Variants in DOCK1 observed in about 807,000 individuals in gnomAD.
DOCK1 encodes the protein dedicator of cytokinesis 1, also known as dedicator of cytokinesis protein 1.
A neutral mutation model predicts 262.7 loss-of-function variants in DOCK1; 138 were observed. The observed-to-expected ratio is 0.53, with a 90% CI of 0.46 to 0.61. The LOEUF (loss-of-function observed/expected upper bound fraction) is 0.61. Among genes scored for constraint, DOCK1 ranks in the 20% least tolerant of loss-of-function variants. The pLI is 0.00. For missense variants in DOCK1, 1,908 were observed against 2,370.7 expected, an observed-to-expected ratio of 0.80 and a Z score of 4.05; for synonymous variants, 866 against 867.4, an observed-to-expected ratio of 1.00 and a Z score of 0.03.
intron 48 of DOCK1, among the ~76,000 whole-genome samples, chr10:127,434,087 G>A (rs557290793): frequency 1.9e-4 from 29 of 151,824 alleles, no homozygotes; most frequent in Admixed American, 3.9e-4. Flanking sequence ...GTCCCCCTGT[G>A]ACACCATTCT....
chr10:127,272,900 G>A (rs2060619585), intron 29 of DOCK1, among the ~76,000 whole-genome samples: 1 of 152,148 alleles, frequency 6.6e-6, no homozygotes, highest in South Asian at 2.1e-4. Context: ...CTATCAAGAG[G>A]AACAGCACGA....
intron 29 of DOCK1, among the ~76,000 whole-genome samples, chr10:127,314,217 G>C (rs142324486): frequency 1.3e-5 from 2 of 152,208 alleles, no homozygotes; most frequent in African/African-American, 2.4e-5. Context: ...CCATGGAAAT[G>C]TTTCCTTTGT....
At chr10:126,943,030 G>A (rs2035136942) in intron 1 of DOCK1, among the ~76,000 whole-genome samples, 1 of 151,908 alleles carries the variant, frequency 6.6e-6, no homozygotes, top group Non-Finnish European at 1.5e-5. Context: ...GCTGAGGCTG[G>A]TGAATCATTT....
intron 27 of DOCK1, among the ~76,000 whole-genome samples, chr10:127,233,463 T>G (rs1303923269): frequency 6.6e-6 from 1 of 152,026 alleles, no homozygotes; most frequent in Non-Finnish European, 1.5e-5. Flanking sequence ...TTCAAGAGAT[T>G]TTTTTCCCCC....
chr10:126,911,240 AGTT>A (rs2134013592), intron 1 of DOCK1, among the ~76,000 whole-genome samples: 2 of 152,154 alleles, frequency 1.3e-5, no homozygotes, highest in East Asian at 3.9e-4. Context: ...GTAGGTGTGT[AGTT>A]GTCTGTCATT....
rs949396612 is a variant in DOCK1 at position 127,174,994 on chromosome 10, A to T, written c.2847+47230A>T. 2.6e-5 allele frequency among the ~76,000 whole-genome samples: 4 copies of T among 152,372 alleles called. No homozygotes were observed. In the East Asian group the frequency reaches 7.7e-4, roughly 29 times the overall value. On this transcript the variant is annotated intron_variant, in intron 27 of 51. Coordinates refer to ENST00000623213, the MANE Select transcript of DOCK1 (RefSeq NM_001290223.2). Reference sequence around the variant, plus strand: ...GTATGGTTTGAATTCAAGGCCAGAAAGATGAACATTAACCAGAAAGCGTAT... The same window carrying T: ...GTATGGTTTGAATTCAAGGCCAGAATGATGAACATTAACCAGAAAGCGTAT...
intron 22 of DOCK1, among the ~76,000 whole-genome samples, chr10:127,053,477 A>G (rs1235333435): frequency 1.3e-5 from 2 of 152,220 alleles, no homozygotes; most frequent in East Asian, 1.9e-4. Context: ...AACTCTTCCT[A>G]CATAGGGTAT....
chr10:126,934,945 T>C lies in DOCK1; in HGVS notation c.46+29382T>C, dbSNP rs909331886. 7.3e-3 allele frequency among the ~76,000 whole-genome samples: 1,108 copies of C among 151,940 alleles called. 17 individuals are homozygous for C. Among genetic ancestry groups the C allele is most frequent in the African/African-American group, 0.025 (1,026 of 41,448 alleles). On this transcript the variant is annotated intron_variant, in intron 1 of 51. Transcript: ENST00000623213. ...CTAACACGGTGAAACCCTGTCTCTA[T>C]TAAAAATACAAAAAATTAGCCAGGC...
chr10:127,127,136 T>C (rs1185724550), intron 26 of DOCK1, among the ~76,000 whole-genome samples: 6 of 152,172 alleles, frequency 3.9e-5, no homozygotes, highest in Non-Finnish European at 7.3e-5. Flanking sequence ...TTTAAGCAGA[T>C]TCATAGTTCA....
intron 27 of DOCK1, among the ~76,000 whole-genome samples, chr10:127,158,106 C>A (rs558774104): frequency 6.6e-6 from 1 of 152,294 alleles, no homozygotes; most frequent in South Asian, 2.1e-4. Context: ...AATTGGGCTG[C>A]AGCATCTGAA....
chr10:127,015,201 A>T (rs561719809), intron 12 of DOCK1: 3 of 152,172 alleles, frequency 2.0e-5, no homozygotes, highest in East Asian at 3.9e-4. Flanking sequence ...ATATTTAAAA[A>T]AAAAAAGGAA....
chr10:126,916,572 C>G (rs766360624), intron 1 of DOCK1, among the ~76,000 whole-genome samples: 1 of 152,138 alleles, frequency 6.6e-6, no homozygotes, highest in Non-Finnish European at 1.5e-5. Context: ...ACCTTCTGTC[C>G]TAAGCCACAG....
At position 127,402,675 on chromosome 10, in the gene DOCK1, C is replaced by T. The variant is rs376733466; in HGVS notation, c.3928-380C>T. ...GCGCCCAGTTTCTACATAAATGGCA[C>T]CCCACAGCCTCTCTTCACCCTACGG... On this transcript the variant is annotated intron_variant, in intron 38 of 51. Transcript: ENST00000623213. The T allele has an allele frequency of 9.6e-6, 5 of 523,262 alleles. No homozygotes were observed. The East Asian group carries it at 1.6e-4, about 17-fold the overall frequency. 32.4% of individuals were successfully genotyped at this position (523,262 alleles called of 1,614,324 possible).
chr10:126,947,264 T>G (rs1393621327), intron 1 of DOCK1, among the ~76,000 whole-genome samples: 1 of 152,146 alleles, frequency 6.6e-6, no homozygotes, highest in Non-Finnish European at 1.5e-5. Flanking sequence ...TGGTTGGTAG[T>G]ACTACTGTTG....
chr10:127,359,508 A>G (rs2064307979), intron 32 of DOCK1, among the ~76,000 whole-genome samples: 1 of 152,190 alleles, frequency 6.6e-6, no homozygotes, highest in African/African-American at 2.4e-5. Flanking sequence ...TGGCTCTGAC[A>G]TTTTTTAGGC....
chr10:126,947,313 T>C (rs997915675), intron 1 of DOCK1, among the ~76,000 whole-genome samples: 2 of 130,430 alleles, frequency 1.5e-5, no homozygotes, highest in African/African-American at 5.5e-5. Flanking sequence ...CTGTTGGTGG[T>C]GATGGTGGTG....
At chr10:127,323,344 A>G (rs2062618617) in intron 29 of DOCK1, among the ~76,000 whole-genome samples, 1 of 152,058 alleles carries the variant, frequency 6.6e-6, no homozygotes, top group Admixed American at 6.5e-5. Context: ...CCAGCCTCTC[A>G]GATATGTCCT....
At chr10:127,101,851 C>T (rs766593681) in intron 23 of DOCK1, among the ~76,000 whole-genome samples, 2 of 152,170 alleles carry the variant, frequency 1.3e-5, no homozygotes, top group South Asian at 2.1e-4. Flanking sequence ...ACCCTCTGGG[C>T]GTTCGCAAGC....
intron 29 of DOCK1, among the ~76,000 whole-genome samples, chr10:127,276,539 CCT>C (rs1464917323): frequency 6.6e-6 from 1 of 152,120 alleles, no homozygotes; most frequent in Non-Finnish European, 1.5e-5. Context: ...TCTTTCTCAC[CCT>C]CTGTTCCTTT....
Sources: allele counts gnomAD v4.1 joint callset (sites outside exome capture counted in the v4.1 genomes callset), GRCh38; gene constraint gnomAD v4.1.1; transcripts MANE v1.5; gene names NCBI Gene and HGNC (gene_info 2026-07-23, HGNC 2026-07-21).